TNFAIP8: variants seen among roughly 807,000 people sequenced by gnomAD.
The protein encoded by TNFAIP8 is tumor necrosis factor alpha-induced protein 8.
TNFAIP8 carries 7 observed loss-of-function variants against 13.3 expected under a neutral mutation model. The observed-to-expected ratio is 0.52, with a 90% CI of 0.30 to 0.99. The LOEUF (loss-of-function observed/expected upper bound fraction) is 0.99. Ranked by LOEUF, TNFAIP8 falls within the 50% of genes least tolerant of loss-of-function variation. The pLI is 0.07. For synonymous variants in TNFAIP8, 94 were observed against 87.6 expected, an observed-to-expected ratio of 1.07 and a Z score of -0.41; for missense variants, 258 against 236.9, an observed-to-expected ratio of 1.09 and a Z score of -0.58.
intron 1 of TNFAIP8, among the ~76,000 whole-genome samples, chr5:119,381,319 TTGTGTGAGC>T: frequency 6.6e-6 from 1 of 152,272 alleles, no homozygotes. Flanking sequence ...GGATGGCAGA[TTGTGTGAGC>T]TCAGGGGTTC....
intron 1 of TNFAIP8, among the ~76,000 whole-genome samples, chr5:119,295,646 G>GT (rs1432272534): frequency 2.0e-5 from 3 of 152,116 alleles, no homozygotes; most frequent in Admixed American, 2.0e-4. Flanking sequence ...CTTTAAAGTA[G>GT]TTTTTTCCAA....
upstream of TNFAIP8, among the ~76,000 whole-genome samples, chr5:119,352,784 T>C (rs116570852): frequency 8.6e-3 from 1,304 of 151,132 alleles, 7 homozygotes; most frequent in Middle Eastern, 0.017. Context: ...TAAAGTTCAG[T>C]CGAGAGTTGG....
intron 1 of TNFAIP8, among the ~76,000 whole-genome samples, chr5:119,364,238 G>A (rs1366045098): frequency 6.6e-6 from 1 of 152,188 alleles, no homozygotes; most frequent in Non-Finnish European, 1.5e-5. Flanking sequence ...AAACAGGTAA[G>A]TTTGAAAGAG....
intron 1 of TNFAIP8, among the ~76,000 whole-genome samples, chr5:119,323,733 A>T (rs756641446): frequency 4.5e-4 from 69 of 152,306 alleles, no homozygotes; most frequent in Non-Finnish European, 6.6e-4. Flanking sequence ...GGAGGCTGCC[A>T]GATGGGGACA....
Position 119,286,802 on chromosome 5 carries a change from C to T in TNFAIP8, c.1+17895C>T, listed in dbSNP as rs137883774. 3.0e-3 allele frequency among the ~76,000 whole-genome samples: 451 copies of T among 152,256 alleles called. 12 individuals carry two copies. The highest frequency in any genetic ancestry group is 0.027 in the Admixed American group (406 of 15,304). ...CATGCTGTGAAACTGTATGCAACTT[C>T]CTCTAGCCTCAGTCTTCCCACTTAC... On this transcript the variant is annotated intron_variant, in intron 1 of 1. Transcript: ENST00000274456.
At chr5:119,274,732 T>C (rs1262760096) in intron 1 of TNFAIP8, among the ~76,000 whole-genome samples, 1 of 152,212 alleles carries the variant, frequency 6.6e-6, no homozygotes, top group Non-Finnish European at 1.5e-5. Flanking sequence ...ATCACCTCCC[T>C]GGCAGGGAAG....
At chr5:119,283,431 G>C (rs1748692500) in intron 1 of TNFAIP8, among the ~76,000 whole-genome samples, 1 of 152,282 alleles carries the variant, frequency 6.6e-6, no homozygotes, top group African/African-American at 2.4e-5. Context: ...CCAGGAGTTT[G>C]AGACCAGCCT....
intron 1 of TNFAIP8, among the ~76,000 whole-genome samples, chr5:119,341,715 G>T (rs1475812591): frequency 5.3e-5 from 8 of 151,670 alleles, no homozygotes; most frequent in African/African-American, 1.9e-4. Context: ...TTTTTTTTTG[G>T]TTCCTGGCCT....
At chr5:119,380,281 G>A (rs1752440995) in intron 1 of TNFAIP8, among the ~76,000 whole-genome samples, 1 of 152,220 alleles carries the variant, frequency 6.6e-6, no homozygotes, top group Non-Finnish European at 1.5e-5. Flanking sequence ...ATGTGGCCAG[G>A]AGCAACCTGA....
intron 1 of TNFAIP8, among the ~76,000 whole-genome samples, chr5:119,368,294 GTTATTGCT>G (rs1383551625): frequency 2.6e-5 from 4 of 151,816 alleles, no homozygotes; most frequent in African/African-American, 9.7e-5. Flanking sequence ...GTTGCCTACA[GTTATTGCT>G]TTATGACTTA....
At chr5:119,382,872 AC>A (rs1360772326) in intron 1 of TNFAIP8, among the ~76,000 whole-genome samples, 1 of 152,254 alleles carries the variant, frequency 6.6e-6, no homozygotes, top group African/African-American at 2.4e-5. Context: ...CCAGAGGAAT[AC>A]CAAGAACCCT....
In TNFAIP8 at chr5:119,328,264, C is replaced by G. The variant is rs563206204; in HGVS notation, c.1+59357C>G. ...TTGCCCTTGTTTCCAAGAGACAACT[C>G]GGCCTCCCAAAGTGCTGGGATTACA... On this transcript the variant is annotated intron_variant, in intron 1 of 1. Transcript: ENST00000274456. Among the ~76,000 whole-genome samples the G allele has an allele frequency of 7.2e-5, 11 of 152,210 alleles. 1 individual carries two copies. The highest frequency in any genetic ancestry group is 7.2e-4 in the Admixed American group (11 of 15,286).
At chr5:119,298,753 A>G (rs6876255) in intron 1 of TNFAIP8, among the ~76,000 whole-genome samples, 138,583 of 151,828 alleles carry the variant, frequency 0.91, 63,391 homozygotes, top group East Asian at 0.99. Flanking sequence ...CCAATCTGAC[A>G]TAGATTTGGT....
At chr5:119,382,364 G>A (rs1562031689) in intron 1 of TNFAIP8, among the ~76,000 whole-genome samples, 1 of 152,186 alleles carries the variant, frequency 6.6e-6, no homozygotes, top group Non-Finnish European at 1.5e-5. Context: ...CTTGAGTGGA[G>A]AAGAGGGATA....
Position 119,332,385 on chromosome 5 carries a change from C to T in TNFAIP8, c.2-60431C>T, listed in dbSNP as rs559223326. On this transcript the variant is annotated intron_variant, in intron 1 of 1. Transcript: ENST00000274456. ...ATTCAGGGGTGTTAAATAACTTGCA[C>T]GTATACACAACCAGAAGGTGGCATA... Among the ~76,000 whole-genome samples, 4 of 152,172 alleles carry T rather than the reference C, an allele frequency of 2.6e-5. No individual in the cohort carries two copies. The East Asian group carries it at 7.7e-4, about 29-fold the overall frequency.
At chr5:119,384,676 C>T (rs1752606635) in intron 1 of TNFAIP8, among the ~76,000 whole-genome samples, 1 of 152,116 alleles carries the variant, frequency 6.6e-6, no homozygotes, top group Admixed American at 6.5e-5. Flanking sequence ...AAATTCATTT[C>T]CCATAACCTC....
chr5:119,347,512 G>A (rs1173969401), intron 1 of TNFAIP8, among the ~76,000 whole-genome samples: 1 of 152,174 alleles, frequency 6.6e-6, no homozygotes, highest in Non-Finnish European at 1.5e-5. Flanking sequence ...AGGTAGGCTA[G>A]CACATTGTTC....
chr5:119,330,789 C>T (rs1023778501), intron 1 of TNFAIP8, among the ~76,000 whole-genome samples: 1 of 152,020 alleles, frequency 6.6e-6, no homozygotes, highest in African/African-American at 2.4e-5. Context: ...GAAGAAGTAC[C>T]AGATAAGGTG....
chr5:119,287,118 C>T (rs1196726924), intron 1 of TNFAIP8, among the ~76,000 whole-genome samples: 2 of 152,068 alleles, frequency 1.3e-5, no homozygotes, highest in Non-Finnish European at 2.9e-5. Context: ...CTGCCTCCTC[C>T]AGGAAACCTT....
Sources: gnomAD v4.1 joint callset for allele counts (sites outside exome capture counted in the v4.1 genomes callset) on GRCh38, gnomAD v4.1.1 for gene constraint, MANE v1.5 for transcripts, NCBI Gene and HGNC (gene_info 2026-07-23, HGNC 2026-07-21) for gene names.